Variants in GUCY2D observed in about 807,000 individuals in gnomAD.
GUCY2D encodes guanylate cyclase 2D, retinal, also known as retinal guanylyl cyclase 1.
In GUCY2D, 70 loss-of-function variants were observed where a neutral mutation model predicts 101.3. That is an observed-to-expected ratio of 0.69 (90% CI 0.57 to 0.84). The LOEUF is 0.84. GUCY2D is among the 40% of genes least tolerant of loss of function. The pLI is 0.00. For missense variants in GUCY2D, 1,460 were observed against 1,542.5 expected (o/e 0.95, Z 0.90); for synonymous variants, 688 against 670.7 (o/e 1.03, Z -0.40).
rs1385973926 is a variant in GUCY2D, at chr17:8,007,953, G to T, written c.1589G>T (p.Ser530Ile). 6.2e-7 allele frequency: 1 copy of T among 1,613,336 alleles called. No individual in the cohort carries two copies. Among genetic ancestry groups the T allele is most frequent in the African/African-American group, 1.3e-5 (1 of 74,900 alleles). ...SRKVAQGSRS[S>I]LGARSMSDIR... ...TAGGTGGCCCAGGGGAGTCGATCAA[G>T]TCTGGGTGCCCGCAGCATGTCAGAC... Residue 530 changes from serine (S) to isoleucine (I), a missense_variant, in exon 7 of 20, where the codon AGT becomes ATT. This residue lies in a region of GUCY2D where 1,196 missense variants were observed against 1,229.6 expected (regional missense o/e 0.97). Coordinates refer to ENST00000254854, the MANE Select transcript of GUCY2D (RefSeq NM_000180.4).
At position 8,006,740 on chromosome 17, in the gene GUCY2D, C is replaced by A. The variant is rs1228286464; in HGVS notation, c.1378+26C>A. ...GTGAGGGCGAGCACCCCAGTCCCCA[C>A]TGAGACAATCGCCATGGACCATCCA... On this transcript the variant is annotated intron_variant, in intron 4 of 19. Coordinates refer to ENST00000254854, the MANE Select transcript of GUCY2D (RefSeq NM_000180.4). 3.2e-6 allele frequency: 5 copies of A among 1,543,474 alleles called. 1 individual carries two copies. In the South Asian group the frequency reaches 5.8e-5, roughly 18 times the overall value.
chr17:8,003,686 C>T lies in GUCY2D; in HGVS notation c.639C>T (p.Ala213=). The change falls in exon 2 of 20, where the codon GCC becomes GCT. Residue 213 remains alanine, a synonymous_variant. Transcript: ENST00000254854. ...TCAGGGCCCGGGGCCTGCCTGTCGC[C>T]TCCGTGACTTCCATGGAGCCCTTGG... ...TALRARGLPV[A]SVTSMEPLDL... is the part of the protein sequence containing the mutation. 1.3e-6 allele frequency: 2 copies of T among 1,597,596 alleles called. No individual in the cohort carries two copies. Among genetic ancestry groups the T allele is most frequent in the Admixed American group, 1.7e-5 (1 of 59,918 alleles).
Position 8,003,772 on chromosome 17 carries a change from G to A in GUCY2D, c.721+4G>A. ...CGGGACGGGCCCAGGGTCACAGGTA[G>A]GCTCCCTTGCAGGGTGCGAGGAGGT... On this transcript the variant is annotated splice_donor_region_variant and intron_variant, in intron 2 of 19. Transcript: ENST00000254854. 1.9e-6 allele frequency: 3 copies of A among 1,600,276 alleles called. No homozygotes were observed. Among genetic ancestry groups the A allele is most frequent in the Non-Finnish European group, 1.7e-6 (2 of 1,179,552 alleles).
intron 6 of GUCY2D, among the ~76,000 whole-genome samples, 198 bp from the exon 7 acceptor site, chr17:8,007,733 G>A (rs1320940822): frequency 6.6e-6 from 1 of 152,172 alleles, no homozygotes; most frequent in Non-Finnish European, 1.5e-5. Flanking sequence ...TGGCGGGGAG[G>A]TGAAGCTCCA....
At chr17:8,005,906 T>C (rs1975728561) in intron 3 of GUCY2D, among the ~76,000 whole-genome samples, 1 of 152,174 alleles carries the variant, frequency 6.6e-6, no homozygotes, top group Admixed American at 6.5e-5. Flanking sequence ...TGTTTGTTTG[T>C]TTGTTTTTTT....
rs763522643 is a variant in GUCY2D at position 8,012,287 on chromosome 17, C to A, written c.1893C>A (p.Leu631=). 6.2e-7 allele frequency: 1 copy of A among 1,614,046 alleles called. No individual in the cohort carries two copies. The highest frequency in any genetic ancestry group is 2.2e-5 in the East Asian group (1 of 44,856). ...CGCGGGGCTCTCTTCAGGACCTCCT[C>A]GCTCAGAGAGAAATAAAGCTGGACT... ...HCTRGSLQDL[L]AQREIKLDWM... Residue 631 remains leucine (L), a synonymous_variant, in exon 9 of 20, where the codon CTC becomes CTA. Transcript: ENST00000254854.
chr17:8,006,426 G>A lies in GUCY2D; in HGVS notation c.1090G>A (p.Ala364Thr). The A allele has an allele frequency of 1.2e-6, 2 of 1,603,246 alleles. No homozygotes were observed. Among genetic ancestry groups the A allele is most frequent in the South Asian group, 1.1e-5 (1 of 91,088 alleles). ...CTTGCTGGCAAGGGGCGTGGCAGAA[G>A]CGCGGGCTGCCGCAGGTGGCAGATG... ...VFLLARGVAEARAAAGGRWVS... is the reference protein window; with the variant it reads ...VFLLARGVAETRAAAGGRWVS... Residue 364 changes from alanine (A) to threonine (T), a missense_variant, in exon 4 of 20, where the codon GCG becomes ACG. This residue lies in a region of GUCY2D where 1,196 missense variants were observed against 1,229.6 expected (regional missense o/e 0.97). Transcript: ENST00000254854.
At chr17:8,015,613 G>A (rs1975952753) in intron 15 of GUCY2D, 111 bp downstream of exon 15, 1 of 1,198,310 alleles carries the variant, frequency 8.3e-7, no homozygotes, top group South Asian at 1.3e-5. Context: ...TTACCTTGAA[G>A]AGGATGCACT....
Position 8,014,014 on chromosome 17 carries a change from C to G in GUCY2D, c.2398C>G (p.His800Asp). 7.4e-6 allele frequency: 12 copies of G among 1,613,270 alleles called. No homozygotes were observed. The highest frequency in any genetic ancestry group is 1.0e-5 in the Non-Finnish European group (12 of 1,179,898). The change falls in exon 12 of 20, where the codon CAC becomes GAC. Residue 800 changes from histidine (H) to aspartate (D), a missense_variant. Physicochemically the swap from His to Asp is moderately conservative, Grantham distance 81 (BLOSUM62 -1). This residue lies in a region of GUCY2D where 1,196 missense variants were observed against 1,229.6 expected (regional missense o/e 0.97). Transcript: ENST00000254854. The surrounding 1 kb of genome is among the most constrained non-coding windows in gnomAD (Gnocchi z 4.0). ...GCCGGAACTTCGGCCCTCCATGGACCACACCTTCGACCTGGTCAGGGGCTG... is the reference window on the plus strand; with the variant it reads ...GCCGGAACTTCGGCCCTCCATGGACGACACCTTCGACCTGGTCAGGGGCTG... Reference protein sequence around the residue: ...EQPELRPSMDHTFDLFKNINK... With the variant: ...EQPELRPSMDDTFDLFKNINK...
rs575870524 is a variant in GUCY2D, at chr17:8,015,106, C to A, written c.2769+55C>A. The A allele has an allele frequency of 1.1e-4, 160 of 1,461,544 alleles. 2 individuals carry two copies. The African/African-American group carries it at 2.0e-3, about 18-fold the overall frequency. 90.5% of individuals were successfully genotyped at this position (1,461,544 alleles called of 1,614,324 possible). On this transcript the variant is annotated intron_variant, in intron 14 of 19. Transcript: ENST00000254854. ...ACCTTCAATTCAGCTTCACCAGCCT[C>A]CAGCCCAGCCCTTCCTGCGCAGCCC... is the stretch of plus-strand genomic sequence containing the variant.
In GUCY2D at chr17:8,013,865, C is replaced by T; in HGVS notation, c.2264-15C>T. 1 of 1,612,000 alleles carries T rather than the reference C, an allele frequency of 6.2e-7. No individual in the cohort carries two copies. Among genetic ancestry groups the T allele is most frequent in the South Asian group, 1.1e-5 (1 of 91,050 alleles). The stretch of plus-strand genomic sequence containing the variant: ...TCTGGGGGCACTCCCCCTCACTGTC[C>T]CCTCATGCCTCCAGAAGTGGTGCAG... On this transcript the variant is annotated splice_polypyrimidine_tract_variant and intron_variant, in intron 11 of 19. Coordinates refer to ENST00000254854, the MANE Select transcript of GUCY2D (RefSeq NM_000180.4). This position sits in a 1 kb window ranked among gnomAD's most constrained non-coding sequence, Gnocchi z 5.0.
In GUCY2D at chr17:8,003,578, C is replaced by A; in HGVS notation, c.531C>A (p.Arg177=). The A allele has an allele frequency of 6.3e-7, 1 of 1,583,258 alleles. No individual in the cohort carries two copies. The change falls in exon 2 of 20, where the codon CGC becomes CGA. Residue 177 remains arginine (R), a synonymous_variant. Transcript: ENST00000254854. ...PAADALYALL[R]AFGWARVALV... is the part of the protein sequence containing the mutation. ...CGGATGCCCTCTACGCCCTGCTTCG[C>A]GCATTCGGCTGGGCGCGCGTGGCCC...
intron 4 of GUCY2D, 121 bp from the exon 5 acceptor site, chr17:8,006,939 T>G: frequency 1.1e-6 from 1 of 875,710 alleles, no homozygotes; most frequent in South Asian, 1.4e-5. Context: ...GACCTACCCC[T>G]AGAGCCTCTC....
Position 8,006,597 on chromosome 17 carries a change from G to C in GUCY2D, c.1261G>C (p.Asp421His). Residue 421 changes from aspartate to histidine, a missense_variant, in exon 4 of 20, where the codon GAT becomes CAT. This residue lies in a region of GUCY2D where 1,196 missense variants were observed against 1,229.6 expected (regional missense o/e 0.97). Coordinates refer to ENST00000254854, the MANE Select transcript of GUCY2D (RefSeq NM_000180.4). ...CCGGCTTTTTGCCACATACATGCTG[G>C]ATCCTGCCCGGGGCTCCTTCCTCTC... is the stretch of plus-strand genomic sequence containing the variant. ...GDRLFATYML[D>H]PARGSFLSAG... The C allele has an allele frequency of 6.2e-7, 1 of 1,613,440 alleles. No individual in the cohort carries two copies. The highest frequency in any genetic ancestry group is 1.1e-5 in the South Asian group (1 of 91,002).
chr17:8,014,535 G>A lies in GUCY2D; in HGVS notation c.2413-66G>A. ...ACAGCCCCATGAGAGGGCCCATGAG[G>A]GGGGCATAAAGAGGGCATGGCAACC... On this transcript the variant is annotated intron_variant, in intron 12 of 19. Coordinates refer to ENST00000254854, the MANE Select transcript of GUCY2D (RefSeq NM_000180.4). The surrounding 1 kb of genome is among the most constrained non-coding windows in gnomAD (Gnocchi z 4.0). 1 of 1,452,756 alleles carries A rather than the reference G, an allele frequency of 6.9e-7. No homozygotes were observed. Among genetic ancestry groups the A allele is most frequent in the African/African-American group, 1.4e-5 (1 of 71,868 alleles). 90.0% of individuals were successfully genotyped at this position (1,452,756 alleles called of 1,614,324 possible).
chr17:8,009,469 G>A (rs1156572587), intron 7 of GUCY2D, 37 bp from the exon 8 acceptor site: 1 of 1,382,964 alleles, frequency 7.2e-7, no homozygotes, highest in South Asian at 1.2e-5. Flanking sequence ...GGGATTTTAA[G>A]AGACTGAGTT....
Position 8,013,038 on chromosome 17 carries a change from C to G in GUCY2D, c.2114-65C>G, listed in dbSNP as rs1975886832. 7 of 1,532,172 alleles carry G rather than the reference C, an allele frequency of 4.6e-6. No individual in the cohort carries two copies. The highest frequency in any genetic ancestry group is 5.4e-6 in the Non-Finnish European group (6 of 1,120,472). 94.9% of individuals were successfully genotyped at this position (1,532,172 alleles called of 1,614,324 possible). A position where few individuals can be genotyped will look rare whatever the true frequency, so the allele number is the denominator to read the frequency against. ...GGGTTGGTGGTGTCTGGGTGCCAAC[C>G]TGGGCTTTCTGGTGAGGGTGGGAGT... On this transcript the variant is annotated intron_variant, in intron 10 of 19. Coordinates refer to ENST00000254854, the MANE Select transcript of GUCY2D (RefSeq NM_000180.4). This position sits in a 1 kb window ranked among gnomAD's most constrained non-coding sequence, Gnocchi z 5.0.
In GUCY2D at chr17:8,013,615, C is replaced by T; in HGVS notation, c.2264-265C>T. On this transcript the variant is annotated intron_variant, in intron 11 of 19. Coordinates refer to ENST00000254854, the MANE Select transcript of GUCY2D (RefSeq NM_000180.4). This position sits in a 1 kb window ranked among gnomAD's most constrained non-coding sequence, Gnocchi z 5.0. ...TGAGCAAACTACTTGATCACCTATC[C>T]CTCACTTGTCTTACATACAATATGT... 1.7e-6 allele frequency: 1 copy of T among 584,272 alleles called. No homozygotes were observed. The highest frequency in any genetic ancestry group is 3.0e-5 in the Admixed American group (1 of 33,408). The allele number at this position is 584,272 out of a possible 1,614,324, so 36.2% of individuals were successfully genotyped here. A position where few individuals can be genotyped will look rare whatever the true frequency, so the allele number is the denominator to read the frequency against.
chr17:8,018,724 C>A (rs1330413861), intron 19 of GUCY2D, among the ~76,000 whole-genome samples: 1 of 152,062 alleles, frequency 6.6e-6, no homozygotes, highest in Non-Finnish European at 1.5e-5. Context: ...TCCGAGACAC[C>A]AAGATTTTTT....
Sources: gnomAD v4.1 joint callset for allele counts (sites outside exome capture counted in the v4.1 genomes callset) on GRCh38, gnomAD v4.1.1 for gene constraint, gnomAD v4.1.1 regional missense constraint, Gnocchi (gnomAD v3.1) non-coding constraint, MANE v1.5 for transcripts, NCBI Gene and HGNC (gene_info 2026-07-23, HGNC 2026-07-21) for gene names.